Variants in XIRP2 observed in about 807,000 individuals in gnomAD.
XIRP2 encodes xin actin binding repeat containing 2.
A neutral mutation model predicts 277.0 loss-of-function variants in XIRP2; 236 were observed. That is an observed-to-expected ratio of 0.85 (90% CI 0.77 to 0.95). XIRP2 has a LOEUF of 0.95. Among genes scored for constraint, XIRP2 ranks in the 40% least tolerant of loss-of-function variants. The pLI is 0.00. For missense variants in XIRP2, 4,640 were observed against 4,157.5 expected, an observed-to-expected ratio of 1.12 and a Z score of -3.19; for synonymous variants, 1,490 against 1,416.5, an observed-to-expected ratio of 1.05 and a Z score of -1.17.
intron 2 of XIRP2, among the ~76,000 whole-genome samples, chr2:167,077,743 T>G (rs1689611289): frequency 6.6e-6 from 1 of 152,128 alleles, no homozygotes; most frequent in Non-Finnish European, 1.5e-5. Context: ...AGAAAAGACC[T>G]ATGGGCCATG....
intron 5 of XIRP2, among the ~76,000 whole-genome samples, chr2:167,225,551 T>C (rs563922482): frequency 7.9e-4 from 120 of 152,262 alleles, no homozygotes; most frequent in Non-Finnish European, 1.3e-3. Context: ...GCCAGAGAAC[T>C]GTTGCTTTTT....
intron 2 of XIRP2, among the ~76,000 whole-genome samples, chr2:167,083,613 A>C (rs1689816536): frequency 6.6e-6 from 1 of 151,986 alleles, no homozygotes; most frequent in Non-Finnish European, 1.5e-5. Flanking sequence ...ATCCTCTTTT[A>C]TTTCCTTGAG....
Position 167,246,938 on chromosome 2 carries a change from G to T in XIRP2, c.5546G>T (p.Ser1849Ile). The T allele has an allele frequency of 5.6e-6, 9 of 1,613,378 alleles. No homozygotes were observed. Among genetic ancestry groups the T allele is most frequent in the Non-Finnish European group, 7.6e-6 (9 of 1,179,768 alleles). The change falls in exon 9 of 11, where the codon AGC becomes ATC. Residue 1849 changes from serine to isoleucine, a missense_variant. Physicochemically the swap from Ser to Ile is moderately radical, Grantham distance 142. Coordinates refer to ENST00000409195, the MANE Select transcript of XIRP2 (RefSeq NM_152381.6). ...GDLTSTLNSL[S>I]QAVNQKTVTK... Reference sequence around the variant, plus strand: ...TTGACATCAACCCTAAATTCCCTCAGCCAGGCTGTAAATCAGAAAACAGTG... The same window carrying T: ...TTGACATCAACCCTAAATTCCCTCATCCAGGCTGTAAATCAGAAAACAGTG...
chr2:167,140,576 T>G (rs1691685857), intron 3 of XIRP2, among the ~76,000 whole-genome samples: 1 of 152,134 alleles, frequency 6.6e-6, no homozygotes, highest in African/African-American at 2.4e-5. Flanking sequence ...TACACGATGG[T>G]GGACCCAGGA....
intron 3 of XIRP2, among the ~76,000 whole-genome samples, chr2:167,168,521 T>C (rs1350879646): frequency 3.3e-5 from 5 of 152,250 alleles, no homozygotes; most frequent in Non-Finnish European, 7.3e-5. Context: ...ATTCAGTCTA[T>C]TAATAAGTCC....
At chr2:166,954,393 G>A (rs1187051184) in intron 2 of XIRP2, among the ~76,000 whole-genome samples, 1 of 151,830 alleles carries the variant, frequency 6.6e-6, no homozygotes, top group Non-Finnish European at 1.5e-5. Context: ...AGTCAGAATG[G>A]CAATTATTAA....
In XIRP2 at chr2:167,250,326, A is replaced by G; in HGVS notation, c.8934A>G (p.Thr2978=). 1 of 1,613,428 alleles carries G rather than the reference A, an allele frequency of 6.2e-7. No homozygotes were observed. Among genetic ancestry groups the G allele is most frequent in the Non-Finnish European group, 8.5e-7 (1 of 1,179,668 alleles). The change falls in exon 9 of 11, where the codon ACA becomes ACG. Residue 2978 remains threonine, a synonymous_variant. Transcript: ENST00000409195. ...PNKSGLKTFQ[T]LLNTIPGWLI... ...AAAGTGGCCTTAAAACATTTCAGAC[A>G]CTATTAAATACTATCCCAGGATGGC...
chr2:166,965,194 A>C lies in XIRP2; in HGVS notation c.408+61304A>C, dbSNP rs546248883. Among the ~76,000 whole-genome samples the C allele has an allele frequency of 2.9e-4, 44 of 152,016 alleles. No homozygotes were observed. In the South Asian group the frequency reaches 8.9e-3, roughly 31 times the overall value. The stretch of plus-strand genomic sequence containing the variant: ...ATATGTGATTAGAACATGAAGAGTC[A>C]GTAATATTTGAGGAATCACTAACAC... On this transcript the variant is annotated intron_variant, in intron 2 of 10. Transcript: ENST00000409195.
At chr2:167,121,416 G>A (rs997056935) in intron 2 of XIRP2, among the ~76,000 whole-genome samples, 1 of 152,104 alleles carries the variant, frequency 6.6e-6, no homozygotes, top group African/African-American at 2.4e-5. Context: ...AAAAATGGAT[G>A]TGAAAACAGA....
chr2:167,160,589 C>T (rs1361598039), intron 3 of XIRP2, among the ~76,000 whole-genome samples: 2 of 152,114 alleles, frequency 1.3e-5, no homozygotes, highest in Non-Finnish European at 2.9e-5. Context: ...CTTTTTAAAA[C>T]CATCAGATCT....
intron 2 of XIRP2, among the ~76,000 whole-genome samples, chr2:167,047,205 C>T (rs1688806807): frequency 6.6e-6 from 1 of 151,380 alleles, no homozygotes. Flanking sequence ...AGTAATACAA[C>T]TAATTTAAAA....
At chr2:167,152,474 T>G (rs1310739026) in intron 3 of XIRP2, among the ~76,000 whole-genome samples, 1 of 152,148 alleles carries the variant, frequency 6.6e-6, no homozygotes, top group East Asian at 1.9e-4. Context: ...TAAAGTCCGC[T>G]GTGACACATA....
intron 2 of XIRP2, among the ~76,000 whole-genome samples, chr2:167,018,725 C>T (rs1687902444): frequency 6.6e-6 from 1 of 152,014 alleles, no homozygotes; most frequent in South Asian, 2.1e-4. Context: ...TTTTCTTAGA[C>T]AGCAGAAACC....
chr2:167,247,386 T>A lies in XIRP2; in HGVS notation c.5994T>A (p.Ser1998Arg). Residue 1998 changes from serine to arginine, a missense_variant, in exon 9 of 11, where the codon AGT (serine) becomes AGA (arginine). Ser to Arg is a moderately radical substitution (Grantham distance 110). Coordinates refer to ENST00000409195, the MANE Select transcript of XIRP2 (RefSeq NM_152381.6). The stretch of plus-strand genomic sequence containing the variant: ...GGCAAGGGGGAGCAGATACTCTCAG[T>A]CAAACTATGGGGAAATCTTGCCATG... ...AKWQGGADTLSQTMGKSCHGN... is the reference protein window; with the variant it reads ...AKWQGGADTLRQTMGKSCHGN... The A allele has an allele frequency of 6.2e-7, 1 of 1,613,732 alleles. No individual in the cohort carries two copies. Among genetic ancestry groups the A allele is most frequent in the Non-Finnish European group, 8.5e-7 (1 of 1,179,800 alleles).
chr2:166,940,214 A>C (rs1052734211), intron 2 of XIRP2, among the ~76,000 whole-genome samples: 10 of 152,128 alleles, frequency 6.6e-5, no homozygotes, highest in Non-Finnish European at 1.0e-4. Context: ...AATCACTGAT[A>C]CCCTTTCTTC....
chr2:167,041,418 C>T (rs942651828), intron 2 of XIRP2, among the ~76,000 whole-genome samples: 1 of 151,972 alleles, frequency 6.6e-6, no homozygotes, highest in Non-Finnish European at 1.5e-5. Flanking sequence ...ATCCATGAAA[C>T]CTAAGGAATC....
At chr2:167,005,513 A>G (rs871213) in intron 2 of XIRP2, among the ~76,000 whole-genome samples, 7,180 of 151,932 alleles carry the variant, frequency 0.047, 281 homozygotes, top group South Asian at 0.14. Flanking sequence ...AAAACAACTG[A>G]GAATTATTTA....
At chr2:166,983,531 AAT>A (rs1282207681) in intron 2 of XIRP2, among the ~76,000 whole-genome samples, 1 of 152,022 alleles carries the variant, frequency 6.6e-6, no homozygotes, top group African/African-American at 2.4e-5. Flanking sequence ...ATAGACACTT[AAT>A]TCTGTTTTCT....
rs1559045182 is a variant in XIRP2, at chr2:167,250,827, T to A, written c.9435T>A (p.Pro3145=). The A allele has an allele frequency of 6.2e-7, 1 of 1,613,168 alleles. No individual in the cohort carries two copies. Among genetic ancestry groups the A allele is most frequent in the South Asian group, 1.1e-5 (1 of 91,036 alleles). Residue 3145 remains proline (P), a synonymous_variant, in exon 9 of 11, where the codon CCT becomes CCA. Coordinates refer to ENST00000409195, the MANE Select transcript of XIRP2 (RefSeq NM_152381.6). ...CTAAGAACGAGCTTTCTCAGTCCCCTAAAAAGGACAGTTATGTTGAACCCC... is the reference window on the plus strand; with the variant it reads ...CTAAGAACGAGCTTTCTCAGTCCCCAAAAAAGGACAGTTATGTTGAACCCC... ...NPTKNELSQS[P]KKDSYVEPPP...
Sources: gnomAD v4.1 joint callset for allele counts (sites outside exome capture counted in the v4.1 genomes callset) on GRCh38, gnomAD v4.1.1 for gene constraint, MANE v1.5 for transcripts, NCBI Gene and HGNC (gene_info 2026-07-23, HGNC 2026-07-21) for gene names.